Variants in C1QTNF2 observed in about 807,000 individuals in gnomAD.
C1QTNF2 encodes the protein C1q and TNF related 2, also known as complement C1q tumor necrosis factor-related protein 2.
C1QTNF2 carries 15 observed loss-of-function variants against 17.4 expected under a neutral mutation model. The observed-to-expected ratio is 0.86, with a 90% CI of 0.58 to 1.33. The LOEUF (loss-of-function observed/expected upper bound fraction) is 1.33. C1QTNF2 is among the 40% of genes most tolerant of loss of function. The pLI, the probability that C1QTNF2 is intolerant of heterozygous loss-of-function variation, is 0.00. For synonymous variants in C1QTNF2, 154 were observed against 163.3 expected (o/e 0.94, Z 0.44); for missense variants, 381 against 392.3 (o/e 0.97, Z 0.24).
Position 160,354,216 on chromosome 5 carries a change from C to A in C1QTNF2, c.244+552G>T, listed in dbSNP as rs375261809. Among the ~76,000 whole-genome samples the A allele has an allele frequency of 5.9e-5, 9 of 152,194 alleles. No individual in the cohort carries two copies. In the East Asian group the frequency reaches 1.2e-3, roughly 20 times the overall value. ...ATATTTTGGGAGACTTTTCCAAAGT[C>A]ACTTAGCAACCCAAAGGTGCACCGG... On this transcript the variant is annotated intron_variant, in intron 2 of 2. Transcript: ENST00000652664.
At chr5:160,362,188 G>A (rs1456800432) in intron 1 of C1QTNF2, among the ~76,000 whole-genome samples, 1 of 152,224 alleles carries the variant, frequency 6.6e-6, no homozygotes, top group Non-Finnish European at 1.5e-5. Context: ...AAAACAGGGT[G>A]TGGACCAAGC....
intron 1 of C1QTNF2, among the ~76,000 whole-genome samples, chr5:160,364,202 G>A (rs1008658924): frequency 9.9e-5 from 15 of 152,120 alleles, no homozygotes; most frequent in East Asian, 7.7e-4. Context: ...CACTTGCAGC[G>A]GATCTCAATT....
intron 1 of C1QTNF2, among the ~76,000 whole-genome samples, chr5:160,363,523 C>T (rs1236834652): frequency 6.6e-6 from 1 of 152,254 alleles, no homozygotes; most frequent in African/African-American, 2.4e-5. Flanking sequence ...AACAAGGTCT[C>T]AGAAGCCAGG....
chr5:160,354,678 A>T, intron 2 of C1QTNF2, 90 bp downstream of exon 2: 1 of 1,323,140 alleles, frequency 7.6e-7, no homozygotes, highest in Non-Finnish European at 1.1e-6. Context: ...GAAGAGGATT[A>T]ATACTAGTTT....
Position 160,358,772 on chromosome 5 carries a change from A to C in C1QTNF2, c.-9-3752T>G, listed in dbSNP as rs570963603. Reference sequence around the variant, plus strand: ...ATTACGCACCTACAATGTTCCAGGCACTGTGTGAAGCCCTGTATCTACATT... The same window carrying C: ...ATTACGCACCTACAATGTTCCAGGCCCTGTGTGAAGCCCTGTATCTACATT... On this transcript the variant is annotated intron_variant, in intron 1 of 2. Coordinates refer to ENST00000652664, the MANE Select transcript of C1QTNF2 (RefSeq NM_031908.6). Among the ~76,000 whole-genome samples the C allele has an allele frequency of 4.6e-5, 7 of 151,546 alleles. No homozygotes were observed. The East Asian group carries it at 1.2e-3, about 25-fold the overall frequency.
chr5:160,356,941 G>A (rs1764062052), intron 1 of C1QTNF2, among the ~76,000 whole-genome samples: 1 of 152,276 alleles, frequency 6.6e-6, no homozygotes. Flanking sequence ...GCCTAGACTT[G>A]CAGAGAAAGG....
intron 2 of C1QTNF2, among the ~76,000 whole-genome samples, chr5:160,351,392 T>C (rs888863368): frequency 1.3e-5 from 2 of 152,248 alleles, no homozygotes; most frequent in Non-Finnish European, 2.9e-5. Flanking sequence ...GTTTTAGGCA[T>C]TTTACATCCT....
chr5:160,360,885 G>T (rs1764141751), intron 1 of C1QTNF2, among the ~76,000 whole-genome samples: 1 of 150,456 alleles, frequency 6.6e-6, no homozygotes, highest in Non-Finnish European at 1.5e-5. Flanking sequence ...ACCTCCATCT[G>T]CTGGGTTCAA....
intron 1 of C1QTNF2, among the ~76,000 whole-genome samples, chr5:160,364,523 T>C (rs1764212479): frequency 6.6e-6 from 1 of 152,234 alleles, no homozygotes; most frequent in African/African-American, 2.4e-5. Flanking sequence ...ATGTTGAATG[T>C]AATGATACGA....
At chr5:160,361,146 A>G (rs189831868) in intron 1 of C1QTNF2, among the ~76,000 whole-genome samples, 4 of 152,232 alleles carry the variant, frequency 2.6e-5, no homozygotes, top group Non-Finnish European at 1.5e-5. Flanking sequence ...TGGGCTTCTC[A>G]TCTCTCTGTT....
At chr5:160,358,679 C>T (rs1764095950) in intron 1 of C1QTNF2, among the ~76,000 whole-genome samples, 1 of 152,110 alleles carries the variant, frequency 6.6e-6, no homozygotes, top group Admixed American at 6.6e-5. Flanking sequence ...GGGAGGGCCT[C>T]AAGGAACCAT....
At chr5:160,355,181 G>T in intron 1 of C1QTNF2, 161 bp from the exon 2 acceptor site, 1 of 979,970 alleles carries the variant, frequency 1.0e-6, no homozygotes, top group Non-Finnish European at 1.2e-6. Flanking sequence ...GATGTGGACA[G>T]AGTCGTCATA....
At chr5:160,354,084 G>A (rs578205281) in intron 2 of C1QTNF2, among the ~76,000 whole-genome samples, 48 of 152,180 alleles carry the variant, frequency 3.2e-4, no homozygotes, top group African/African-American at 1.1e-3. Context: ...GATTACAGGT[G>A]TGAGCCACCG....
chr5:160,360,847 T>C (rs1764141037), intron 1 of C1QTNF2, among the ~76,000 whole-genome samples: 1 of 148,162 alleles, frequency 6.7e-6, no homozygotes, highest in African/African-American at 2.5e-5. Flanking sequence ...CAGGCTGGAG[T>C]GCAGTGGCGC....
At chr5:160,360,784 C>T (rs1247269235) in intron 1 of C1QTNF2, among the ~76,000 whole-genome samples, 1 of 150,730 alleles carries the variant, frequency 6.6e-6, no homozygotes, top group Non-Finnish European at 1.5e-5. Context: ...GGTTGATAAA[C>T]TTGGATGAGT....
At position 160,354,782 on chromosome 5, in the gene C1QTNF2, T is replaced by C; in HGVS notation, c.230A>G (p.Asp77Gly). ...AGGCCTCTTACCTTCCTCTCCGCTG[T>C]CCCCCCGGTCGCCGTCGTGTCCATC... Reference protein sequence around the residue: ...GQDGHDGDRGDSGEEGPPGRT... With the variant: ...GQDGHDGDRGGSGEEGPPGRT... The change falls in exon 2 of 3, where the codon GAC becomes GGC. Residue 77 changes from aspartate to glycine, a missense_variant. Physicochemically the swap from Asp to Gly is moderately conservative, Grantham distance 94. Transcript: ENST00000652664. 1 of 1,613,424 alleles carries C rather than the reference T, an allele frequency of 6.2e-7. No homozygotes were observed. Among genetic ancestry groups the C allele is most frequent in the Non-Finnish European group, 8.5e-7 (1 of 1,179,876 alleles).
chr5:160,349,481 G>T lies in C1QTNF2; in HGVS notation c.545C>A (p.Ala182Asp), dbSNP rs1763868965. The change falls in exon 3 of 3, where the codon GCT becomes GAT. Residue 182 changes from alanine to aspartate, a missense_variant. Physicochemically the swap from Ala to Asp is moderately radical, Grantham distance 126. Coordinates refer to ENST00000652664, the MANE Select transcript of C1QTNF2 (RefSeq NM_031908.6). The surrounding 1 kb of genome is among the most constrained non-coding windows in gnomAD (Gnocchi z 4.3). ...ILMNEGGHYN[A>D]SSGKFVCGVP... ...GCCGCAGACGAACTTGCCGCTGGAA[G>T]CATTGTAGTGGCCACCCTCGTTCAT... The T allele has an allele frequency of 6.2e-7, 1 of 1,613,968 alleles. No homozygotes were observed. The highest frequency in any genetic ancestry group is 1.3e-5 in the African/African-American group (1 of 74,932).
chr5:160,359,960 C>T (rs1233019252), intron 1 of C1QTNF2, among the ~76,000 whole-genome samples: 1 of 151,822 alleles, frequency 6.6e-6, no homozygotes, highest in African/African-American at 2.4e-5. Flanking sequence ...ACCCCCCCTA[C>T]CTTTTCTAGG....
intron 2 of C1QTNF2, among the ~76,000 whole-genome samples, chr5:160,354,360 T>C (rs1763986228): frequency 6.6e-6 from 1 of 151,780 alleles, no homozygotes; most frequent in South Asian, 2.1e-4. Flanking sequence ...GATGGATCAC[T>C]TGAGGTCAGG....
Sources: allele counts gnomAD v4.1 joint callset (sites outside exome capture counted in the v4.1 genomes callset), GRCh38; gene constraint gnomAD v4.1.1; non-coding constraint Gnocchi (gnomAD v3.1); transcripts MANE v1.5; gene names NCBI Gene and HGNC (gene_info 2026-07-23, HGNC 2026-07-21).